Variants in FILIP1L observed in about 807,000 individuals in gnomAD.
FILIP1L encodes filamin A-interacting protein 1-like.
A neutral mutation model predicts 96.6 loss-of-function variants in FILIP1L; 55 were observed. The ratio of observed to expected loss-of-function variants is 0.57; its 90% confidence interval spans 0.46 to 0.71. FILIP1L has a LOEUF of 0.71. FILIP1L is among the 30% of genes least tolerant of loss of function. The pLI is 0.00. For missense variants in FILIP1L, 1,304 were observed against 1,321.2 expected, an observed-to-expected ratio of 0.99 and a Z score of 0.20; for synonymous variants, 467 against 473.9, an observed-to-expected ratio of 0.99 and a Z score of 0.19.
At chr3:99,964,650 G>T (rs1708593410) in intron 1 of FILIP1L, among the ~76,000 whole-genome samples, 2 of 152,034 alleles carry the variant, frequency 1.3e-5, no homozygotes, top group Admixed American at 1.3e-4. Flanking sequence ...CTAAGCTAGA[G>T]CTTCCCAACC....
At chr3:100,053,283 T>G (rs775708792) in intron 1 of FILIP1L, among the ~76,000 whole-genome samples, 1 of 152,214 alleles carries the variant, frequency 6.6e-6, no homozygotes, top group Non-Finnish European at 1.5e-5. Flanking sequence ...CTCACAGTTC[T>G]AGAGGCTAGA....
At chr3:99,946,340 TG>T (rs2107682563) in intron 1 of FILIP1L, among the ~76,000 whole-genome samples, 1 of 152,338 alleles carries the variant, frequency 6.6e-6, no homozygotes, top group South Asian at 2.1e-4. Flanking sequence ...CAACTATCAA[TG>T]GAGAATTTGG....
At chr3:100,034,527 A>G (rs1158320704) in intron 1 of FILIP1L, among the ~76,000 whole-genome samples, 1 of 152,224 alleles carries the variant, frequency 6.6e-6, no homozygotes, top group Admixed American at 6.5e-5. Context: ...TGTGTTGCCT[A>G]AATAATAGAG....
intron 1 of FILIP1L, among the ~76,000 whole-genome samples, chr3:99,945,690 C>G (rs1707987675): frequency 6.6e-6 from 1 of 152,198 alleles, no homozygotes; most frequent in South Asian, 2.1e-4. Flanking sequence ...GCATGCAAAA[C>G]CCAGACAATT....
chr3:99,883,024 A>G (rs1315862805), intron 4 of FILIP1L, among the ~76,000 whole-genome samples: 2 of 138,906 alleles, frequency 1.4e-5, no homozygotes. Flanking sequence ...GGTTCTGTAC[A>G]TGAGAAATTC....
chr3:99,942,249 G>C (rs894862018), intron 1 of FILIP1L, among the ~76,000 whole-genome samples: 15 of 151,954 alleles, frequency 9.9e-5, no homozygotes, highest in African/African-American at 3.4e-4. Flanking sequence ...TGTGTTAATG[G>C]CATTGTGTTT....
intron 4 of FILIP1L, among the ~76,000 whole-genome samples, chr3:99,855,539 G>A (rs1331260441): frequency 2.0e-5 from 3 of 152,110 alleles, no homozygotes; most frequent in African/African-American, 7.2e-5. Context: ...GGCTCACAAA[G>A]GTCAAGAAGG....
At chr3:99,875,302 G>A (rs111443929) in intron 4 of FILIP1L, among the ~76,000 whole-genome samples, 1 of 152,088 alleles carries the variant, frequency 6.6e-6, no homozygotes, top group Admixed American at 6.5e-5. Context: ...ACTAATTATG[G>A]TTTAAAATGT....
intron 1 of FILIP1L, among the ~76,000 whole-genome samples, chr3:100,024,103 A>T (rs2064875988): frequency 6.6e-6 from 1 of 151,472 alleles, no homozygotes; most frequent in African/African-American, 2.4e-5. Context: ...CATCTTCCAC[A>T]CTCCGTCTTC....
chr3:100,004,738 T>G (rs574492379), intron 1 of FILIP1L, among the ~76,000 whole-genome samples: 1 of 152,160 alleles, frequency 6.6e-6, no homozygotes, highest in South Asian at 2.1e-4. Context: ...AAAGGTAGGA[T>G]TGGTGGGTTT....
At chr3:100,021,530 A>G (rs1419949280) in intron 1 of FILIP1L, among the ~76,000 whole-genome samples, 1 of 152,206 alleles carries the variant, frequency 6.6e-6, no homozygotes, top group African/African-American at 2.4e-5. Flanking sequence ...AGTGCCAGAA[A>G]GAACAGAGTC....
At chr3:100,074,840 C>A (rs1217198603) in intron 1 of FILIP1L, among the ~76,000 whole-genome samples, 1 of 151,128 alleles carries the variant, frequency 6.6e-6, no homozygotes, top group Non-Finnish European at 1.5e-5. Context: ...ATTACAGGTG[C>A]GCACCACCAC....
chr3:99,856,838 A>G (rs1399528898), intron 4 of FILIP1L, among the ~76,000 whole-genome samples: 6 of 152,168 alleles, frequency 3.9e-5, no homozygotes, highest in Admixed American at 2.0e-4. Context: ...TGAGACACTG[A>G]GTATTAGTAA....
At chr3:99,866,420 A>G (rs1454050315) in intron 4 of FILIP1L, among the ~76,000 whole-genome samples, 1 of 149,908 alleles carries the variant, frequency 6.7e-6, no homozygotes, top group Non-Finnish European at 1.5e-5. Flanking sequence ...AGAAACCACA[A>G]CAACAGATGC....
At chr3:100,100,071 C>A (rs2066278465) in intron 1 of FILIP1L, among the ~76,000 whole-genome samples, 1 of 152,020 alleles carries the variant, frequency 6.6e-6, no homozygotes, top group South Asian at 2.1e-4. Context: ...GAGGAGTGGG[C>A]AAGTGTGGCA....
intron 1 of FILIP1L, among the ~76,000 whole-genome samples, chr3:99,989,602 C>T (rs2107126352): frequency 6.6e-6 from 1 of 151,840 alleles, no homozygotes; most frequent in East Asian, 1.9e-4. Flanking sequence ...GAAATATTTT[C>T]AGAGAGTGGA....
chr3:99,864,745 A>C (rs1025948113), intron 4 of FILIP1L, among the ~76,000 whole-genome samples: 22 of 151,620 alleles, frequency 1.5e-4, no homozygotes, highest in African/African-American at 4.6e-4. Flanking sequence ...TATTCCTCAA[A>C]CAGAACACGG....
chr3:99,876,270 G>T, intron 4 of FILIP1L: 2 of 951,328 alleles, frequency 2.1e-6, no homozygotes, highest in Non-Finnish European at 2.5e-6. Context: ...GGGGGCGCCG[G>T]TGACCGCGGG....
intron 1 of FILIP1L, among the ~76,000 whole-genome samples, chr3:100,057,228 G>A (rs555509119): frequency 2.0e-5 from 3 of 152,118 alleles, no homozygotes; most frequent in Non-Finnish European, 4.4e-5. Flanking sequence ...GACCCGTCCC[G>A]TTCTAATATT....
Sources: allele counts gnomAD v4.1 joint callset (sites outside exome capture counted in the v4.1 genomes callset), GRCh38; gene constraint gnomAD v4.1.1; transcripts MANE v1.5; gene names NCBI Gene and HGNC (gene_info 2026-07-23, HGNC 2026-07-21).